PPP2R3A: variants seen among roughly 807,000 people sequenced by gnomAD.
The protein encoded by PPP2R3A is protein phosphatase 2 regulatory subunit B''alpha.
Under a neutral mutation model 106.9 loss-of-function variants are expected in PPP2R3A, and 80 were observed. The ratio of observed to expected loss-of-function variants is 0.75; its 90% CI spans 0.62 to 0.90. The LOEUF is 0.90. PPP2R3A is among the 40% of genes least tolerant of loss of function. The probability of loss-of-function intolerance (pLI) is 0.00; values close to 1 mark genes in which losing one functional copy is unlikely to be tolerated. For missense variants in PPP2R3A, 1,386 were observed against 1,350.4 expected (o/e 1.03, Z -0.41); for synonymous variants, 483 against 468.3 (o/e 1.03, Z -0.41).
intron 1 of PPP2R3A, among the ~76,000 whole-genome samples, chr3:136,000,313 G>A (rs1371607651): frequency 1.3e-5 from 2 of 152,126 alleles, no homozygotes; most frequent in Non-Finnish European, 2.9e-5. Flanking sequence ...CACACAGTAG[G>A]TAGTCAGTAT....
At chr3:136,143,097 T>C (rs1406327734) in intron 13 of PPP2R3A, among the ~76,000 whole-genome samples, 3 of 152,340 alleles carry the variant, frequency 2.0e-5, no homozygotes, top group African/African-American at 7.2e-5. Flanking sequence ...AATGAACAAA[T>C]TATAACTTTT....
intron 10 of PPP2R3A, among the ~76,000 whole-genome samples, chr3:136,095,533 G>A (rs1937195761): frequency 6.6e-6 from 1 of 152,122 alleles, no homozygotes; most frequent in Non-Finnish European, 1.5e-5. Context: ...CTTGGATTCA[G>A]ACTCAGGTTT....
Position 136,086,578 on chromosome 3 carries a change from T to TA in PPP2R3A, c.2789-1299dup, listed in dbSNP as rs1174685989. Among the ~76,000 whole-genome samples the TA allele has an allele frequency of 2.6e-5, 4 of 152,268 alleles. No individual in the cohort carries two copies. The East Asian group carries it at 7.7e-4, about 29-fold the overall frequency. On this transcript the variant is annotated intron_variant, in intron 8 of 13. Transcript: ENST00000264977. ...TTTAGGAAGCTAAACCTTCCCAAGC[T>TA]AAAAAATGCCTTTAAAAAAAGATTT...
At chr3:136,128,069 T>TTG (rs1938252135) in intron 13 of PPP2R3A, among the ~76,000 whole-genome samples, 1 of 151,986 alleles carries the variant, frequency 6.6e-6, no homozygotes, top group African/African-American at 2.4e-5. Context: ...ATGCCAAATT[T>TTG]TAAAGACCAT....
At chr3:135,979,525 G>A (rs1266830634) in intron 1 of PPP2R3A, among the ~76,000 whole-genome samples, 1 of 151,874 alleles carries the variant, frequency 6.6e-6, no homozygotes, top group Admixed American at 6.6e-5. Flanking sequence ...TCAGAGTGTG[G>A]GAACACGATG....
At chr3:135,968,232 C>G (rs1937146261) in intron 1 of PPP2R3A, among the ~76,000 whole-genome samples, 1 of 152,140 alleles carries the variant, frequency 6.6e-6, no homozygotes. Flanking sequence ...ACCTTATAGT[C>G]TAAGGAGGGT....
At position 136,090,582 on chromosome 3, in the gene PPP2R3A, A is replaced by G. The variant is rs1465828726; in HGVS notation, c.2842A>G (p.Lys948Glu). The G allele has an allele frequency of 1.2e-6, 2 of 1,613,046 alleles. No homozygotes were observed. The highest frequency in any genetic ancestry group is 1.1e-5 in the South Asian group (1 of 91,004). ...ATAACCATGTGTTTTCTTTAGGGGAAAAACAATACAGAAAGAGGGAAGAAT... is the reference window on the plus strand; with the variant it reads ...ATAACCATGTGTTTTCTTTAGGGGAGAAACAATACAGAAAGAGGGAAGAAT... ...RIFSGAVTRG[K>E]TIQKEGRMSY... Residue 948 changes from lysine (K) to glutamate (E), a missense_variant, in exon 10 of 14, where the codon AAA becomes GAA. Coordinates refer to ENST00000264977, the MANE Select transcript of PPP2R3A (RefSeq NM_002718.5).
At chr3:136,088,228 C>T (rs1937007787) in intron 9 of PPP2R3A, among the ~76,000 whole-genome samples, 1 of 152,074 alleles carries the variant, frequency 6.6e-6, no homozygotes, top group Non-Finnish European at 1.5e-5. Flanking sequence ...AACAGGCAGT[C>T]CCTCAGCCCT....
chr3:136,112,352 C>T (rs1937605694), intron 13 of PPP2R3A, among the ~76,000 whole-genome samples: 1 of 152,070 alleles, frequency 6.6e-6, no homozygotes, highest in Non-Finnish European at 1.5e-5. Context: ...TCAAGCTATC[C>T]GTCTTTGCAG....
intron 10 of PPP2R3A, among the ~76,000 whole-genome samples, chr3:136,097,867 T>G (rs1412990274): frequency 6.6e-6 from 1 of 152,226 alleles, no homozygotes; most frequent in Non-Finnish European, 1.5e-5. Flanking sequence ...TTACATGTAT[T>G]GCAGCCCTCT....
chr3:136,104,624 A>C (rs964165897), intron 12 of PPP2R3A, among the ~76,000 whole-genome samples: 1 of 152,168 alleles, frequency 6.6e-6, no homozygotes, highest in African/African-American at 2.4e-5. Context: ...TAGTTCTCTA[A>C]GCAAAAACAA....
rs191989040 is a variant in PPP2R3A at position 136,011,729 on chromosome 3, T to C, written c.1995+8236T>C. On this transcript the variant is annotated intron_variant, in intron 2 of 13. Coordinates refer to ENST00000264977, the MANE Select transcript of PPP2R3A (RefSeq NM_002718.5). Reference sequence around the variant, plus strand: ...TTTGAATCAGTCATCTCCCTTGAGATTGCCAGCAAACCGTAACTAGTCTAG... The same window carrying C: ...TTTGAATCAGTCATCTCCCTTGAGACTGCCAGCAAACCGTAACTAGTCTAG... 2.0e-4 allele frequency among the ~76,000 whole-genome samples: 30 copies of C among 152,290 alleles called. 1 individual carries two copies. The highest frequency in any genetic ancestry group is 6.5e-4 in the African/African-American group (27 of 41,556).
intron 5 of PPP2R3A, 22 bp from the exon 6 acceptor site, chr3:136,070,455 GT>G: frequency 6.4e-7 from 1 of 1,573,562 alleles, no homozygotes; most frequent in Non-Finnish European, 8.6e-7. Context: ...TGTTAATTTA[GT>G]TTTGGTTTTG....
chr3:135,974,815 A>C (rs1937366564), intron 1 of PPP2R3A, among the ~76,000 whole-genome samples: 1 of 152,250 alleles, frequency 6.6e-6, no homozygotes, highest in African/African-American at 2.4e-5. Context: ...CTCCAGTTGA[A>C]AAAGCAGCTT....
intron 5 of PPP2R3A, among the ~76,000 whole-genome samples, chr3:136,053,710 G>T (rs1445415418): frequency 6.6e-6 from 1 of 152,038 alleles, no homozygotes; most frequent in Non-Finnish European, 1.5e-5. Flanking sequence ...TCTTTATTCT[G>T]GCAGTTGGAG....
intron 1 of PPP2R3A, among the ~76,000 whole-genome samples, chr3:135,994,312 G>A (rs766155757): frequency 2.6e-5 from 4 of 152,068 alleles, no homozygotes; most frequent in Non-Finnish European, 4.4e-5. Context: ...CTTTACCACC[G>A]TCTTTGTCTG....
At chr3:136,069,101 G>A (rs532460988) in intron 5 of PPP2R3A, among the ~76,000 whole-genome samples, 5 of 152,216 alleles carry the variant, frequency 3.3e-5, no homozygotes, top group African/African-American at 9.6e-5. Context: ...TAAGATCCTG[G>A]AACAGAAAAA....
intron 2 of PPP2R3A, among the ~76,000 whole-genome samples, chr3:136,018,854 C>T (rs1033966567): frequency 2.6e-5 from 4 of 152,166 alleles, no homozygotes; most frequent in African/African-American, 4.8e-5. Context: ...CTATCCTACC[C>T]GGTTCTTTTT....
At chr3:136,095,679 T>C (rs1937199634) in intron 10 of PPP2R3A, among the ~76,000 whole-genome samples, 1 of 152,190 alleles carries the variant, frequency 6.6e-6, no homozygotes, top group South Asian at 2.1e-4. Flanking sequence ...AAATTGCTTG[T>C]TGCTTAAGAG....
Sources: gnomAD v4.1 joint callset for allele counts (sites outside exome capture counted in the v4.1 genomes callset) on GRCh38, gnomAD v4.1.1 for gene constraint, MANE v1.5 for transcripts, NCBI Gene and HGNC (gene_info 2026-07-23, HGNC 2026-07-21) for gene names.